The following WNT8B variants were observed in gnomAD, a reference collection of about 807,000 sequenced individuals.
WNT8B encodes protein Wnt-8b.
WNT8B carries 24 observed loss-of-function variants against 36.6 expected under a neutral mutation model. The ratio of observed to expected loss-of-function variants is 0.66; its 90% CI spans 0.48 to 0.92. WNT8B has a LOEUF of 0.92. WNT8B is among the 40% of genes least tolerant of loss of function. The probability of loss-of-function intolerance (pLI) is 0.00; values close to 1 mark genes in which losing one functional copy is unlikely to be tolerated. For synonymous variants in WNT8B, 199 were observed against 189.8 expected, an observed-to-expected ratio of 1.05 and a Z score of -0.40; for missense variants, 402 against 470.8, an observed-to-expected ratio of 0.85 and a Z score of 1.35.
At chr10:100,478,677 G>A (rs1851071423) in intron 1 of WNT8B, among the ~76,000 whole-genome samples, 1 of 151,962 alleles carries the variant, frequency 6.6e-6, no homozygotes, top group Non-Finnish European at 1.5e-5. Flanking sequence ...CACCTCCCAG[G>A]TTCAAGTGAT....
At chr10:100,476,928 G>A (rs1222692932) in intron 1 of WNT8B, among the ~76,000 whole-genome samples, 1 of 152,098 alleles carries the variant, frequency 6.6e-6, no homozygotes, top group Non-Finnish European at 1.5e-5. Context: ...GTGTGTACAT[G>A]TACTCATGTA....
chr10:100,479,697 C>T (rs1445216016), intron 2 of WNT8B, among the ~76,000 whole-genome samples, 177 bp from the exon 3 acceptor site: 1 of 152,154 alleles, frequency 6.6e-6, no homozygotes, highest in Non-Finnish European at 1.5e-5. Flanking sequence ...GTTTCCTAAT[C>T]TATAATATAG....
chr10:100,481,479 C>G (rs1851110382), intron 4 of WNT8B, among the ~76,000 whole-genome samples: 1 of 152,218 alleles, frequency 6.6e-6, no homozygotes, highest in Admixed American at 6.5e-5. Context: ...CTGAGCCCTC[C>G]TGACCAATTT....
At chr10:100,467,640 T>C (rs182908770) in intron 1 of WNT8B, among the ~76,000 whole-genome samples, 87 of 152,332 alleles carry the variant, frequency 5.7e-4, no homozygotes, top group African/African-American at 2.0e-3. Flanking sequence ...AGTGAATCAA[T>C]AGATTGTCCA....
chr10:100,482,350 A>C lies in WNT8B; in HGVS notation c.590A>C (p.Gln197Pro). Residue 197 changes from glutamine (Q) to proline (P), a missense_variant, in exon 6 of 6, where the codon CAG (glutamine) becomes CCG (proline). Physicochemically the swap from Gln to Pro is moderately conservative, Grantham distance 76 (BLOSUM62 -1). Transcript: ENST00000343737. The surrounding 1 kb of genome is among the most constrained non-coding windows in gnomAD (Gnocchi z 6.6). ...GSCTTQTCWL[Q>P]LPEFREVGAH... ...TGCACCACGCAGACCTGTTGGCTGC[A>C]GCTGCCCGAGTTCCGCGAGGTGGGC... 9 of 1,604,658 alleles carry C rather than the reference A, an allele frequency of 5.6e-6. No homozygotes were observed. Among genetic ancestry groups the C allele is most frequent in the African/African-American group, 1.3e-5 (1 of 75,068 alleles).
rs1386405461 is a variant in WNT8B at position 100,479,101 on chromosome 10, A to C, written c.102+16A>C. 3 of 1,593,328 alleles carry C rather than the reference A, an allele frequency of 1.9e-6. No homozygotes were observed. The highest frequency in any genetic ancestry group is 2.6e-6 in the Non-Finnish European group (3 of 1,173,684). Reference sequence around the variant, plus strand: ...TGGTCCAAAGGTAAGAACAAATTCCATTAATTGATATGGATTTCACTAATC... The same window carrying C: ...TGGTCCAAAGGTAAGAACAAATTCCCTTAATTGATATGGATTTCACTAATC... On this transcript the variant is annotated intron_variant, in intron 2 of 5. Transcript: ENST00000343737.
chr10:100,464,172 CCTTT>C (rs1322350796), intron 1 of WNT8B, among the ~76,000 whole-genome samples: 15 of 152,084 alleles, frequency 9.9e-5, no homozygotes, highest in Admixed American at 9.8e-4. Flanking sequence ...AGATAAGCTT[CCTTT>C]GAGAATTGAA....
At position 100,470,828 on chromosome 10, in the gene WNT8B, G is replaced by A. The variant is rs559363888; in HGVS notation, c.68+7592G>A. 1.4e-3 allele frequency among the ~76,000 whole-genome samples: 219 copies of A among 152,226 alleles called. 1 individual carries two copies. Among genetic ancestry groups the A allele is most frequent in the Non-Finnish European group, 3.2e-4 (22 of 68,018 alleles). Reference sequence around the variant, plus strand: ...GCAATCTCGGCTGACTGCAACCTCCGCCTCCCAGGTTCAAGCGGATTCTCC... The same window carrying A: ...GCAATCTCGGCTGACTGCAACCTCCACCTCCCAGGTTCAAGCGGATTCTCC... On this transcript the variant is annotated intron_variant, in intron 1 of 5. Coordinates refer to ENST00000343737, the MANE Select transcript of WNT8B (RefSeq NM_003393.4).
At chr10:100,477,507 G>A (rs1417975064) in intron 1 of WNT8B, among the ~76,000 whole-genome samples, 1 of 152,048 alleles carries the variant, frequency 6.6e-6, no homozygotes, top group African/African-American at 2.4e-5. Flanking sequence ...CACCATGTTA[G>A]CCAGGATGGT....
intron 1 of WNT8B, among the ~76,000 whole-genome samples, chr10:100,478,582 T>TG (rs199946504): frequency 3.3e-3 from 430 of 130,400 alleles, no homozygotes; most frequent in Middle Eastern, 0.025. Context: ...TGTGTGTGTG[T>TG]TTTTTTTTTT....
intron 1 of WNT8B, among the ~76,000 whole-genome samples, chr10:100,477,940 C>CTGTTTTTTTTTTTTTTT (rs1169521181): frequency 3.4e-5 from 5 of 145,110 alleles, no homozygotes; most frequent in African/African-American, 1.4e-4. Flanking sequence ...CCATGCCTAG[C>CTGTTTTTTTTTTTTTTT]TATTTTTTTT....
intron 1 of WNT8B, among the ~76,000 whole-genome samples, chr10:100,467,027 A>G (rs751426596): frequency 6.6e-6 from 1 of 151,906 alleles, no homozygotes; most frequent in Non-Finnish European, 1.5e-5. Flanking sequence ...CAGCTGAGGG[A>G]AACACTGAGC....
At chr10:100,475,939 A>G (rs1317850935) in intron 1 of WNT8B, among the ~76,000 whole-genome samples, 1 of 152,112 alleles carries the variant, frequency 6.6e-6, no homozygotes, top group African/African-American at 2.4e-5. Context: ...GTGCTACTAC[A>G]CCTGATCAAG....
intron 1 of WNT8B, among the ~76,000 whole-genome samples, chr10:100,470,436 G>A (rs1438068219): frequency 6.6e-6 from 1 of 151,920 alleles, no homozygotes; most frequent in African/African-American, 2.4e-5. Context: ...TCACTCTGTT[G>A]CCCAGGCTGG....
chr10:100,483,010 G>GTT lies in WNT8B; in HGVS notation c.*195_*196insTT. On this transcript the variant is annotated 3_prime_UTR_variant, in exon 6 of 6. Transcript: ENST00000343737. ...TTCCTCTGTGCTCTCCTAGAGCTCTGTCTGAATCCTCGCAGCCACACCTAG... is the reference window on the plus strand; with the variant it reads ...TTCCTCTGTGCTCTCCTAGAGCTCTGTTTCTGAATCCTCGCAGCCACACCTAG... The GTT allele has an allele frequency of 1.3e-5, 8 of 600,770 alleles. No individual in the cohort carries two copies. The highest frequency in any genetic ancestry group is 7.4e-5 in the Admixed American group (2 of 27,016). The allele number at this position is 600,770 out of a possible 1,614,324, so 37.2% of individuals were successfully genotyped here.
chr10:100,471,230 T>C (rs542685260), intron 1 of WNT8B, among the ~76,000 whole-genome samples: 18 of 152,306 alleles, frequency 1.2e-4, no homozygotes, highest in Non-Finnish European at 2.2e-4. Flanking sequence ...AGTGACAAAA[T>C]CACCTAACGA....
At chr10:100,476,999 C>T (rs1225825276) in intron 1 of WNT8B, among the ~76,000 whole-genome samples, 1 of 152,194 alleles carries the variant, frequency 6.6e-6, no homozygotes, top group Non-Finnish European at 1.5e-5. Flanking sequence ...GACATTTGGC[C>T]ATTCCCCCAA....
At chr10:100,478,116 T>A (rs1397414778) in intron 1 of WNT8B, among the ~76,000 whole-genome samples, 1 of 152,148 alleles carries the variant, frequency 6.6e-6, no homozygotes, top group Non-Finnish European at 1.5e-5. Flanking sequence ...AGCCAAACCA[T>A]TTTTCCAAAT....
At chr10:100,477,940 C>CTGTTTTTTGTT (rs1169521181) in intron 1 of WNT8B, among the ~76,000 whole-genome samples, 1 of 145,110 alleles carries the variant, frequency 6.9e-6, no homozygotes, top group African/African-American at 2.7e-5. Flanking sequence ...CCATGCCTAG[C>CTGTTTTTTGTT]TATTTTTTTT....
Sources: gnomAD v4.1 joint callset for allele counts (sites outside exome capture counted in the v4.1 genomes callset) on GRCh38, gnomAD v4.1.1 for gene constraint, Gnocchi (gnomAD v3.1) non-coding constraint, MANE v1.5 for transcripts, NCBI Gene and HGNC (gene_info 2026-07-23, HGNC 2026-07-21) for gene names.